The following RALGAPA1 variants were observed in gnomAD, a reference collection of about 807,000 sequenced individuals.
RALGAPA1 encodes the protein ral GTPase-activating protein subunit alpha-1.
Under a neutral mutation model 269.6 loss-of-function variants are expected in RALGAPA1, and 52 were observed. The observed-to-expected ratio is 0.19, with a 90% CI of 0.15 to 0.24. RALGAPA1 has a LOEUF of 0.24. RALGAPA1 is among the 10% of genes least tolerant of loss of function. The pLI is 1.00. For missense variants in RALGAPA1, 1,917 were observed against 3,013.9 expected, an observed-to-expected ratio of 0.64 and a Z score of 8.52; for synonymous variants, 817 against 1,008.3, an observed-to-expected ratio of 0.81 and a Z score of 3.60.
intron 37 of RALGAPA1, among the ~76,000 whole-genome samples, chr14:35,589,847 G>C (rs1165421670): frequency 1.3e-5 from 2 of 152,034 alleles, no homozygotes; most frequent in African/African-American, 4.8e-5. Flanking sequence ...CTACAGGCAT[G>C]CACCACTATG....
chr14:35,549,046 G>T, intron 40 of RALGAPA1, 64 bp downstream of exon 40: 1 of 1,549,342 alleles, frequency 6.5e-7, no homozygotes, highest in South Asian at 1.2e-5. Context: ...CAAGTTTTTA[G>T]AACAAAAGGG....
At chr14:35,755,184 T>G (rs1414395938) in intron 7 of RALGAPA1, among the ~76,000 whole-genome samples, 1 of 150,786 alleles carries the variant, frequency 6.6e-6, no homozygotes, top group Non-Finnish European at 1.5e-5. Context: ...CTTATCTCTC[T>G]CTAACAAAAA....
intron 16 of RALGAPA1, among the ~76,000 whole-genome samples, chr14:35,705,633 C>T (rs2067738075): frequency 6.6e-6 from 1 of 152,064 alleles, no homozygotes; most frequent in Admixed American, 6.5e-5. Flanking sequence ...TATTCATGTG[C>T]AGATGTTTGC....
At chr14:35,652,055 T>C (rs1417400691) in intron 30 of RALGAPA1, among the ~76,000 whole-genome samples, 182 bp from the exon 31 acceptor site, 2 of 152,198 alleles carry the variant, frequency 1.3e-5, no homozygotes, top group African/African-American at 4.8e-5. Context: ...TATAGTTAAC[T>C]ATCAATTATT....
intron 7 of RALGAPA1, among the ~76,000 whole-genome samples, chr14:35,752,377 CA>C (rs1352745449): frequency 6.6e-6 from 1 of 152,086 alleles, no homozygotes; most frequent in Non-Finnish European, 1.5e-5. Flanking sequence ...AAGTATGCTT[CA>C]AAAGACTATG....
chr14:35,590,747 A>G lies in RALGAPA1; in HGVS notation c.7209+4887T>C, dbSNP rs535129484. ...AATACAGTAGTCAATCAAATCTTAT[A>G]AAAGATTTGTAAAGAGTCCTAAACT... On this transcript the variant is annotated intron_variant, in intron 37 of 41. Transcript: ENST00000680220. 2.6e-5 allele frequency among the ~76,000 whole-genome samples: 4 copies of G among 152,352 alleles called. No individual in the cohort carries two copies. The South Asian group carries it at 6.2e-4, about 24-fold the overall frequency.
At chr14:35,699,192 A>T (rs939166680) in intron 17 of RALGAPA1, among the ~76,000 whole-genome samples, 1 of 152,208 alleles carries the variant, frequency 6.6e-6, no homozygotes. Context: ...TTAACAAAAC[A>T]AGTAGGTTTC....
intron 7 of RALGAPA1, 52 bp downstream of exon 7, chr14:35,756,741 A>G: frequency 1.6e-6 from 2 of 1,228,448 alleles, no homozygotes; most frequent in South Asian, 2.8e-5. Flanking sequence ...AGAAAAGGGA[A>G]TCACCCACAT....
At chr14:35,563,979 GC>G (rs1467438598) in intron 39 of RALGAPA1, among the ~76,000 whole-genome samples, 1 of 152,038 alleles carries the variant, frequency 6.6e-6, no homozygotes, top group Admixed American at 6.6e-5. Context: ...ACAGTGTATT[GC>G]TTTTGTACCA....
At chr14:35,582,118 G>A (rs1042221790) in intron 37 of RALGAPA1, among the ~76,000 whole-genome samples, 1 of 152,142 alleles carries the variant, frequency 6.6e-6, no homozygotes, top group Non-Finnish European at 1.5e-5. Context: ...AGTAAAACAG[G>A]CACAAAAGGA....
intron 24 of RALGAPA1, among the ~76,000 whole-genome samples, chr14:35,673,333 G>C (rs1488813317): frequency 6.6e-6 from 1 of 152,178 alleles, no homozygotes; most frequent in African/African-American, 2.4e-5. Context: ...AGGCAGAAGG[G>C]TCTCTTGAGG....
At chr14:35,741,073 A>G (rs2071503638) in intron 11 of RALGAPA1, among the ~76,000 whole-genome samples, 1 of 152,176 alleles carries the variant, frequency 6.6e-6, no homozygotes, top group East Asian at 1.9e-4. Context: ...AAACCTACAC[A>G]ACATACCTAA....
intron 21 of RALGAPA1, among the ~76,000 whole-genome samples, chr14:35,679,127 C>G (rs1336177902): frequency 6.6e-6 from 1 of 152,172 alleles, no homozygotes; most frequent in Non-Finnish European, 1.5e-5. Flanking sequence ...AAGTATAGCA[C>G]AAATTAATGC....
At chr14:35,668,153 G>A (rs1015408864) in intron 26 of RALGAPA1, among the ~76,000 whole-genome samples, 6 of 152,124 alleles carry the variant, frequency 3.9e-5, no homozygotes, top group Admixed American at 1.3e-4. Context: ...AGCAGGGAAA[G>A]GAGGAAAGAA....
intron 9 of RALGAPA1, among the ~76,000 whole-genome samples, chr14:35,749,079 T>C (rs553283948): frequency 1.3e-5 from 2 of 152,304 alleles, no homozygotes; most frequent in South Asian, 4.1e-4. Flanking sequence ...CCTATAGTTA[T>C]ATATTCTTCT....
intron 3 of RALGAPA1, among the ~76,000 whole-genome samples, chr14:35,771,494 A>G (rs1214405798): frequency 6.6e-6 from 1 of 152,212 alleles, no homozygotes; most frequent in Non-Finnish European, 1.5e-5. Flanking sequence ...TGGCATGTTG[A>G]TCACTATTTG....
intron 35 of RALGAPA1, among the ~76,000 whole-genome samples, chr14:35,608,155 A>G (rs1349046552): frequency 6.6e-6 from 1 of 152,190 alleles, no homozygotes; most frequent in Non-Finnish European, 1.5e-5. Flanking sequence ...CCTTCAAGCT[A>G]TTAGTCTCCT....
chr14:35,701,550 C>T (rs1203984722), intron 16 of RALGAPA1, among the ~76,000 whole-genome samples: 3 of 152,176 alleles, frequency 2.0e-5, no homozygotes, highest in African/African-American at 7.2e-5. Context: ...ATCATCACAT[C>T]ATGACTTTGT....
At chr14:35,571,578 G>C (rs1436776011) in intron 38 of RALGAPA1, among the ~76,000 whole-genome samples, 1 of 152,082 alleles carries the variant, frequency 6.6e-6, no homozygotes, top group Admixed American at 6.5e-5. Flanking sequence ...GGGAGGCTGA[G>C]ACAGGGAATT....
Sources: gnomAD v4.1 joint callset for allele counts (sites outside exome capture counted in the v4.1 genomes callset) on GRCh38, gnomAD v4.1.1 for gene constraint, MANE v1.5 for transcripts, NCBI Gene and HGNC (gene_info 2026-07-23, HGNC 2026-07-21) for gene names.